The following CDC14A variants were observed in gnomAD, a reference collection of about 807,000 sequenced individuals.
CDC14A encodes dual specificity protein phosphatase CDC14A.
A neutral mutation model predicts 74.4 loss-of-function variants in CDC14A; 53 were observed. The observed-to-expected ratio is 0.71, with a 90% CI of 0.57 to 0.89. The LOEUF (loss-of-function observed/expected upper bound fraction) is 0.89. CDC14A is among the 40% of genes least tolerant of loss of function. The pLI is 0.00. For missense variants in CDC14A, 646 were observed against 713.7 expected (o/e 0.91, Z 1.08); for synonymous variants, 247 against 258.4 (o/e 0.96, Z 0.43).
intron 4 of CDC14A, chr1:100,393,940 C>A (rs1320505974): frequency 4.5e-6 from 1 of 224,702 alleles, no homozygotes; most frequent in South Asian, 6.5e-5. Flanking sequence ...AGACTCTGTT[C>A]CCCCTCCCCA....
chr1:100,433,059 A>T (rs997949226), intron 5 of CDC14A, among the ~76,000 whole-genome samples: 8 of 149,948 alleles, frequency 5.3e-5, no homozygotes, highest in East Asian at 3.9e-4. Flanking sequence ...TTTTTTTTTT[A>T]AATAGAGAAG....
At chr1:100,483,258 T>C (rs1386481110) in intron 10 of CDC14A, among the ~76,000 whole-genome samples, 2 of 152,212 alleles carry the variant, frequency 1.3e-5, no homozygotes, top group African/African-American at 4.8e-5. Context: ...CATCTGTTAT[T>C]TTTTAACTTT....
At position 100,363,519 on chromosome 1, in the gene CDC14A, AATAAG is replaced by A. The variant is rs535194377; in HGVS notation, c.140+9671_140+9675del. ...ATAATTTGTGTAAACTATAAATTTG[AATAAG>A]ATATTTCCTTTATTGTTAATTTAAT... On this transcript the variant is annotated intron_variant, in intron 2 of 15. Transcript: ENST00000336454. Among the ~76,000 whole-genome samples the A allele has an allele frequency of 1.6e-4, 25 of 152,324 alleles. 1 individual carries two copies. In the East Asian group the frequency reaches 3.1e-3, roughly 19 times the overall value.
chr1:100,358,346 T>G (rs1412361307), intron 2 of CDC14A, among the ~76,000 whole-genome samples: 1 of 152,244 alleles, frequency 6.6e-6, no homozygotes, highest in African/African-American at 2.4e-5. Flanking sequence ...GTTAGTGAAA[T>G]GAAATATATT....
At chr1:100,498,482 A>G (rs1399393725) in intron 14 of CDC14A, among the ~76,000 whole-genome samples, 1 of 152,200 alleles carries the variant, frequency 6.6e-6, no homozygotes, top group Non-Finnish European at 1.5e-5. Flanking sequence ...TATACAAATG[A>G]TATTGTCATT....
At chr1:100,491,648 T>C (rs190814949) in intron 11 of CDC14A, among the ~76,000 whole-genome samples, 315 of 137,082 alleles carry the variant, frequency 2.3e-3, no homozygotes, top group African/African-American at 8.4e-3. Context: ...CTAGGCTCAC[T>C]GCAACCTCTG....
chr1:100,460,700 T>C (rs1047010201), intron 8 of CDC14A, among the ~76,000 whole-genome samples: 1 of 152,264 alleles, frequency 6.6e-6, no homozygotes, highest in African/African-American at 2.4e-5. Flanking sequence ...GTTTTCTCCA[T>C]GTTTGTGTAG....
chr1:100,465,891 A>G (rs1667754546), intron 9 of CDC14A, among the ~76,000 whole-genome samples: 1 of 152,190 alleles, frequency 6.6e-6, no homozygotes. Flanking sequence ...GTATAAATAG[A>G]ACACTTTTCA....
intron 8 of CDC14A, among the ~76,000 whole-genome samples, chr1:100,457,136 AG>A (rs1376642768): frequency 6.6e-6 from 1 of 152,236 alleles, no homozygotes; most frequent in Admixed American, 6.5e-5. Flanking sequence ...CAAAGTCGAA[AG>A]ACTTTCACCA....
chr1:100,375,738 G>T (rs1031023562), intron 2 of CDC14A, among the ~76,000 whole-genome samples: 14 of 152,320 alleles, frequency 9.2e-5, no homozygotes, highest in African/African-American at 3.4e-4. Context: ...AAGACAGTGT[G>T]GCGATTCCTC....
intron 4 of CDC14A, among the ~76,000 whole-genome samples, chr1:100,418,786 G>A (rs774385541): frequency 6.6e-6 from 1 of 152,184 alleles, no homozygotes; most frequent in Non-Finnish European, 1.5e-5. Flanking sequence ...AGCTGTTGAA[G>A]GGAAAATTTT....
intron 4 of CDC14A, among the ~76,000 whole-genome samples, chr1:100,395,643 A>T (rs1179315794): frequency 6.6e-6 from 1 of 152,204 alleles, no homozygotes; most frequent in African/African-American, 2.4e-5. Context: ...TTGCCATACA[A>T]CTGTCAGAGT....
At chr1:100,349,684 C>A (rs148216985), upstream of CDC14A, among the ~76,000 whole-genome samples, 1,112 of 152,280 alleles carry the variant, frequency 7.3e-3, 15 homozygotes, top group African/African-American at 0.026. Flanking sequence ...CACTCTGTCA[C>A]CCAGAGACAC....
intron 11 of CDC14A, among the ~76,000 whole-genome samples, chr1:100,490,319 A>G (rs954450910): frequency 1.3e-5 from 2 of 151,980 alleles, no homozygotes; most frequent in African/African-American, 4.8e-5. Context: ...TAATGTTACT[A>G]TTTTTCTTGA....
Position 100,499,089 on chromosome 1 carries a change from T to C in CDC14A, c.1582T>C (p.Tyr528His), listed in dbSNP as rs1307207454. The change falls in exon 15 of 16, where the codon TAC becomes CAC. Residue 528 changes from tyrosine to histidine, a missense_variant. Physicochemically the swap from Tyr to His is moderately conservative, Grantham distance 83. Transcript: ENST00000336454. ...NGSSQPTTRN[Y>H]PELNNNQYNR... The stretch of plus-strand genomic sequence containing the variant: ...CAGCTCCCAGCCAACTACCAGAAAT[T>C]ACCCTGAGCTCAACAATAATCAGTA... 2 of 1,613,988 alleles carry C rather than the reference T, an allele frequency of 1.2e-6. No homozygotes were observed. The highest frequency in any genetic ancestry group is 1.7e-6 in the Non-Finnish European group (2 of 1,180,010).
At chr1:100,481,984 C>T (rs1669523321) in intron 10 of CDC14A, among the ~76,000 whole-genome samples, 1 of 152,196 alleles carries the variant, frequency 6.6e-6, no homozygotes, top group South Asian at 2.1e-4. Context: ...TGCTTTTTCT[C>T]AAGAAGCACT....
intron 11 of CDC14A, among the ~76,000 whole-genome samples, chr1:100,490,128 A>C (rs1670469088): frequency 6.6e-6 from 1 of 152,158 alleles, no homozygotes; most frequent in Non-Finnish European, 1.5e-5. Flanking sequence ...TTGCTAATAA[A>C]CATTTTCCTC....
chr1:100,380,549 C>T (rs984965828), intron 3 of CDC14A, among the ~76,000 whole-genome samples: 1 of 152,194 alleles, frequency 6.6e-6, no homozygotes, highest in African/African-American at 2.4e-5. Context: ...TGGAAAATGC[C>T]TTTGTTACTC....
chr1:100,504,000 G>C (rs1370401567), intron 15 of CDC14A, among the ~76,000 whole-genome samples: 2 of 152,106 alleles, frequency 1.3e-5, no homozygotes, highest in East Asian at 3.9e-4. Flanking sequence ...GTCTAAATCA[G>C]AATACTCTTT....
Sources: gnomAD v4.1 joint callset for allele counts (sites outside exome capture counted in the v4.1 genomes callset) on GRCh38, gnomAD v4.1.1 for gene constraint, MANE v1.5 for transcripts, NCBI Gene and HGNC (gene_info 2026-07-23, HGNC 2026-07-21) for gene names.